The following COL18A1 variants were observed in gnomAD, a reference collection of about 807,000 sequenced individuals.
The protein encoded by COL18A1 is collagen alpha-1(XVIII) chain.
Under a neutral mutation model 168.0 loss-of-function variants are expected in COL18A1, and 133 were observed. The ratio of observed to expected loss-of-function variants is 0.79; its 90% CI spans 0.69 to 0.91. COL18A1 has a LOEUF of 0.91. Among genes scored for constraint, COL18A1 ranks in the 40% least tolerant of loss-of-function variants. The probability of loss-of-function intolerance (pLI) is 0.00; values close to 1 mark genes in which losing one functional copy is unlikely to be tolerated. For synonymous variants in COL18A1, 949 were observed against 809.0 expected, an observed-to-expected ratio of 1.17 and a Z score of -2.94; for missense variants, 2,126 against 1,925.4, an observed-to-expected ratio of 1.10 and a Z score of -1.95.
chr21:45,499,789 G>GCA (rs1281326983), intron 32 of COL18A1, among the ~76,000 whole-genome samples: 1 of 152,186 alleles, frequency 6.6e-6, no homozygotes, highest in Admixed American at 6.5e-5. Flanking sequence ...AGGCAGGACG[G>GCA]CACACACACA....
At position 45,513,479 on chromosome 21, in the gene COL18A1, G is replaced by C. The variant is rs2037726810; in HGVS notation, c.*1081G>C. On this transcript the variant is annotated 3_prime_UTR_variant, in exon 42 of 42. Transcript: ENST00000651438. The stretch of plus-strand genomic sequence containing the variant: ...ACAGGCCGCCCTGCGGGTGAACAAA[G>C]CAGCCACGAGGTGCAACAAGGTCCT... 1 of 152,258 alleles carries C rather than the reference G, an allele frequency of 6.6e-6. No individual in the cohort carries two copies. The highest frequency in any genetic ancestry group is 2.4e-5 in the African/African-American group (1 of 41,460). 9.4% of individuals were successfully genotyped at this position (152,258 alleles called of 1,614,324 possible).
At chr21:45,506,669 A>G (rs983947209) in intron 37 of COL18A1, 7 of 171,382 alleles carry the variant, frequency 4.1e-5, no homozygotes, top group Non-Finnish European at 7.7e-5. Flanking sequence ...GGGAGCCTCC[A>G]TGGCAGAACA....
Position 45,425,506 on chromosome 21 carries a change from A to G in COL18A1, c.106+20033A>G, listed in dbSNP as rs768559864. ...TCTGAAAACCGTCACGGCAGGGGTCACAACCCCACTCACCCACACCCTCCT... is the reference window on the plus strand; with the variant it reads ...TCTGAAAACCGTCACGGCAGGGGTCGCAACCCCACTCACCCACACCCTCCT... On this transcript the variant is annotated intron_variant, in intron 2 of 41. Transcript: ENST00000651438. This position sits in a 1 kb window ranked among gnomAD's most constrained non-coding sequence, Gnocchi z 4.1. Among the ~76,000 whole-genome samples, 16 of 152,168 alleles carry G rather than the reference A, an allele frequency of 1.1e-4. No individual in the cohort carries two copies. The highest frequency in any genetic ancestry group is 1.8e-4 in the Non-Finnish European group (12 of 68,022).
In COL18A1 at chr21:45,498,886, AT is replaced by A. The variant is rs2036639719; in HGVS notation, c.2683+1226del. Reference sequence around the variant, plus strand: ...AGCTGGGAAGCTCAGAGGTGTCAGGATGAACCTGGGGCTGAAGGCGGAACAG... The same window carrying A: ...AGCTGGGAAGCTCAGAGGTGTCAGGAGAACCTGGGGCTGAAGGCGGAACAG... On this transcript the variant is annotated intron_variant, in intron 32 of 41. Transcript: ENST00000651438. The surrounding 1 kb of genome is among the most constrained non-coding windows in gnomAD (Gnocchi z 4.5). Among the ~76,000 whole-genome samples, 3 of 152,222 alleles carry A rather than the reference AT, an allele frequency of 2.0e-5. No individual in the cohort carries two copies. Among genetic ancestry groups the A allele is most frequent in the African/African-American group, 7.2e-5 (3 of 41,446 alleles).
Position 45,463,781 on chromosome 21 carries a change from T to C in COL18A1, c.107-4461T>C, listed in dbSNP as rs1476328021. 6.6e-6 allele frequency among the ~76,000 whole-genome samples: 1 copy of C among 152,044 alleles called. No homozygotes were observed. The highest frequency in any genetic ancestry group is 1.9e-4 in the East Asian group (1 of 5,164). On this transcript the variant is annotated intron_variant, in intron 2 of 41. Coordinates refer to ENST00000651438, the MANE Select transcript of COL18A1 (RefSeq NM_001379500.1). This position sits in a 1 kb window ranked among gnomAD's most constrained non-coding sequence, Gnocchi z 4.0. ...GTATGGTGGTGCATGCCTGTAATCC[T>C]AGCTACTCGGGATGCTGAGGCAGGA...
intron 38 of COL18A1, among the ~76,000 whole-genome samples, chr21:45,507,983 G>C (rs1205536658): frequency 1.3e-5 from 2 of 152,230 alleles, no homozygotes; most frequent in African/African-American, 4.8e-5. Context: ...CTGGGTGGGT[G>C]AATCAATGGG....
At chr21:45,455,818 T>C in intron 2 of COL18A1, 1 of 1,613,336 alleles carries the variant, frequency 6.2e-7, no homozygotes. Context: ...CCCCCACTTC[T>C]GCCGAGAGCC....
chr21:45,456,137 G>T, intron 2 of COL18A1: 3 of 1,584,408 alleles, frequency 1.9e-6, no homozygotes, highest in Non-Finnish European at 2.6e-6. Context: ...CAGGCCCTGG[G>T]CACCACTCAC....
At chr21:45,467,019 G>A (rs1053765805) in intron 2 of COL18A1, among the ~76,000 whole-genome samples, 4 of 152,370 alleles carry the variant, frequency 2.6e-5, no homozygotes, top group African/African-American at 9.6e-5. Flanking sequence ...CTGGGTGGAC[G>A]GCGGCCTCTG....
At chr21:45,503,815 TAAAAA>T (rs1265739303) in intron 32 of COL18A1, 191 bp from the exon 33 acceptor site, 1 of 368,194 alleles carries the variant, frequency 2.7e-6, no homozygotes, top group Non-Finnish European at 4.8e-6. Context: ...AAAAATAAAA[TAAAAA>T]TAAAAAGGCA....
At chr21:45,472,728 G>A (rs375660886) in intron 3 of COL18A1, among the ~76,000 whole-genome samples, 8 of 152,190 alleles carry the variant, frequency 5.3e-5, no homozygotes, top group Non-Finnish European at 8.8e-5. Context: ...CCGCTGGTGC[G>A]CTCTGTGAGG....
At chr21:45,412,958 C>T (rs374610464) in intron 2 of COL18A1, among the ~76,000 whole-genome samples, 8 of 152,224 alleles carry the variant, frequency 5.3e-5, no homozygotes, top group South Asian at 2.1e-4. Flanking sequence ...TGTGTGGCCA[C>T]GGGCAGGCTG....
At chr21:45,406,203 C>T (rs1481339406) in intron 2 of COL18A1, among the ~76,000 whole-genome samples, 4 of 152,132 alleles carry the variant, frequency 2.6e-5, no homozygotes, top group Admixed American at 6.5e-5. Context: ...AGCAGAGGCC[C>T]GGGGGAGGCG....
chr21:45,454,455 TGA>T (rs2034731489), intron 2 of COL18A1, among the ~76,000 whole-genome samples: 1 of 151,986 alleles, frequency 6.6e-6, no homozygotes. Flanking sequence ...TGCAGAGCAC[TGA>T]GGGGGTGGGT....
intron 2 of COL18A1, among the ~76,000 whole-genome samples, chr21:45,414,382 G>T (rs1344389854): frequency 1.3e-5 from 2 of 152,230 alleles, no homozygotes; most frequent in African/African-American, 4.8e-5. Flanking sequence ...ACCCCCAAAG[G>T]AATGGGCTCC....
chr21:45,411,782 T>A, intron 2 of COL18A1, among the ~76,000 whole-genome samples: 1 of 116,674 alleles, frequency 8.6e-6, no homozygotes. Context: ...GGGGGCAGGC[T>A]GTGGTCAGGG....
chr21:45,430,371 C>G (rs891161787), intron 2 of COL18A1, among the ~76,000 whole-genome samples: 3 of 152,214 alleles, frequency 2.0e-5, no homozygotes, highest in African/African-American at 7.2e-5. Context: ...ACCCTGAATG[C>G]TCTGGGAGGA....
intron 2 of COL18A1, among the ~76,000 whole-genome samples, chr21:45,448,563 A>G (rs1315478197): frequency 5.9e-5 from 9 of 152,266 alleles, no homozygotes; most frequent in Non-Finnish European, 1.3e-4. Flanking sequence ...ACATGCAAGT[A>G]CAGACGCTCG....
chr21:45,437,104 C>T (rs1017487136), intron 2 of COL18A1, among the ~76,000 whole-genome samples: 5 of 61,520 alleles, frequency 8.1e-5, no homozygotes, highest in Non-Finnish European at 1.5e-4. Flanking sequence ...CACTCTCCTG[C>T]ACACACACTC....
Sources: gnomAD v4.1 joint callset for allele counts (sites outside exome capture counted in the v4.1 genomes callset) on GRCh38, gnomAD v4.1.1 for gene constraint, Gnocchi (gnomAD v3.1) non-coding constraint, MANE v1.5 for transcripts, NCBI Gene and HGNC (gene_info 2026-07-23, HGNC 2026-07-21) for gene names.